The following KLHL32 variants were observed in gnomAD, a reference collection of about 807,000 sequenced individuals.
The protein encoded by KLHL32 is kelch-like protein 32.
Under a neutral mutation model 64.8 loss-of-function variants are expected in KLHL32, and 35 were observed. The ratio of observed to expected loss-of-function variants is 0.54; its 90% CI spans 0.41 to 0.72. The LOEUF (loss-of-function observed/expected upper bound fraction) is 0.72, where lower values mean the gene tolerates loss of function less well. KLHL32 is among the 30% of genes least tolerant of loss of function. The pLI, the probability that KLHL32 is intolerant of heterozygous loss-of-function variation, is 0.00. For missense variants in KLHL32, 589 were observed against 768.5 expected, an observed-to-expected ratio of 0.77 and a Z score of 2.76; for synonymous variants, 259 against 281.0, an observed-to-expected ratio of 0.92 and a Z score of 0.78.
intron 3 of KLHL32, among the ~76,000 whole-genome samples, chr6:96,989,793 C>CCAAGAA (rs1777628959): frequency 6.6e-6 from 1 of 152,134 alleles, no homozygotes; most frequent in South Asian, 2.1e-4. Flanking sequence ...AGGATTTACT[C>CCAAGAA]ATTTTTTAAA....
chr6:97,101,379 C>T (rs769408035), intron 6 of KLHL32, among the ~76,000 whole-genome samples: 10 of 152,102 alleles, frequency 6.6e-5, no homozygotes, highest in Admixed American at 1.3e-4. Flanking sequence ...CATATCAAGA[C>T]ACTCAAAATC....
chr6:96,934,333 G>A (rs1320744333), intron 1 of KLHL32, among the ~76,000 whole-genome samples: 2 of 152,170 alleles, frequency 1.3e-5, no homozygotes, highest in Non-Finnish European at 2.9e-5. Context: ...GGTCTACTTT[G>A]GGAGATGTGG....
At chr6:96,998,002 G>A (rs2128073347) in intron 3 of KLHL32, among the ~76,000 whole-genome samples, 1 of 152,184 alleles carries the variant, frequency 6.6e-6, no homozygotes, top group Non-Finnish European at 1.5e-5. Flanking sequence ...GACACGTGGT[G>A]TTTATTACAT....
intron 4 of KLHL32, among the ~76,000 whole-genome samples, chr6:97,063,014 T>C (rs1789158058): frequency 6.6e-6 from 1 of 152,170 alleles, no homozygotes. Flanking sequence ...ACTTTTTAGG[T>C]TATAGTGGAG....
At chr6:96,938,238 A>C (rs1770849613) in intron 1 of KLHL32, among the ~76,000 whole-genome samples, 1 of 152,156 alleles carries the variant, frequency 6.6e-6, no homozygotes, top group Non-Finnish European at 1.5e-5. Flanking sequence ...CCACCAGAGT[A>C]GTGAAGTTAT....
intron 3 of KLHL32, among the ~76,000 whole-genome samples, chr6:96,993,925 G>T (rs993073491): frequency 3.3e-5 from 5 of 152,116 alleles, no homozygotes; most frequent in African/African-American, 1.2e-4. Flanking sequence ...TCTACCCTTT[G>T]CTCTGGAGAG....
At chr6:96,956,262 C>T (rs1443623539) in intron 1 of KLHL32, among the ~76,000 whole-genome samples, 1 of 152,174 alleles carries the variant, frequency 6.6e-6, no homozygotes, top group Non-Finnish European at 1.5e-5. Flanking sequence ...GGGGAAACAG[C>T]CAAACCATAT....
At chr6:97,122,009 C>T (rs899000432) in intron 7 of KLHL32, among the ~76,000 whole-genome samples, 7 of 152,168 alleles carry the variant, frequency 4.6e-5, no homozygotes, top group African/African-American at 2.4e-5. Flanking sequence ...AGGATTTCAA[C>T]TTTCTACAGA....
At chr6:96,917,356 A>G in the KLHL32 span, among the ~76,000 whole-genome samples, 2 of 152,016 alleles carry the variant, frequency 1.3e-5, no homozygotes, top group East Asian at 3.9e-4. Context: ...TCCCCTGGAG[A>G]CTCATAACCT....
rs539923876 is a variant in KLHL32, at chr6:96,946,725, C to T, written c.-65-20271C>T. Among the ~76,000 whole-genome samples, 4 of 152,274 alleles carry T rather than the reference C, an allele frequency of 2.6e-5. 1 individual carries two copies. The South Asian group carries it at 6.2e-4, about 24-fold the overall frequency. ...TTTGCCATTTTTGCCAATCCTGCTC[C>T]AACTAGACCTAAGGTAGATCCTAAT... On this transcript the variant is annotated intron_variant, in intron 1 of 10. Coordinates refer to ENST00000369261, the MANE Select transcript of KLHL32 (RefSeq NM_052904.4).
chr6:97,029,940 G>T (rs1451622686), intron 3 of KLHL32, among the ~76,000 whole-genome samples: 2 of 152,202 alleles, frequency 1.3e-5, no homozygotes, highest in Non-Finnish European at 2.9e-5. Flanking sequence ...GAAGATGTAA[G>T]ATGTAATGGA....
At position 97,127,474 on chromosome 6, in the gene KLHL32, G is replaced by A. The variant is rs571127451; in HGVS notation, c.1413+12G>A. 1.3e-6 allele frequency: 2 copies of A among 1,599,080 alleles called. No homozygotes were observed. Among genetic ancestry groups the A allele is most frequent in the South Asian group, 2.2e-5 (2 of 90,196 alleles). On this transcript the variant is annotated intron_variant, in intron 8 of 10. Transcript: ENST00000369261. Reference sequence around the variant, plus strand: ...ATGAACCTAACCAGGTAAGAATCATGTAAGAACACCTCATTATCTTAATTA... The same window carrying A: ...ATGAACCTAACCAGGTAAGAATCATATAAGAACACCTCATTATCTTAATTA...
At chr6:97,001,132 C>T (rs79605741) in intron 3 of KLHL32, among the ~76,000 whole-genome samples, 1 of 152,162 alleles carries the variant, frequency 6.6e-6, no homozygotes, top group East Asian at 1.9e-4. Context: ...TATAAAAACC[C>T]ATAGAATATA....
At chr6:97,091,325 G>A (rs752107279) in intron 6 of KLHL32, among the ~76,000 whole-genome samples, 2 of 152,214 alleles carry the variant, frequency 1.3e-5, no homozygotes, top group Non-Finnish European at 2.9e-5. Flanking sequence ...CCGTGTCTGT[G>A]TCATGTTGCT....
chr6:97,025,852 T>C (rs1055181493), intron 3 of KLHL32, among the ~76,000 whole-genome samples: 8 of 152,134 alleles, frequency 5.3e-5, no homozygotes, highest in African/African-American at 1.9e-4. Flanking sequence ...GTTGTGAAAA[T>C]AAAACTTTAA....
chr6:97,011,971 A>G (rs1442746642), intron 3 of KLHL32, among the ~76,000 whole-genome samples: 1 of 152,082 alleles, frequency 6.6e-6, no homozygotes. Flanking sequence ...TATTACAACA[A>G]CTTTACAGAT....
intron 1 of KLHL32, among the ~76,000 whole-genome samples, chr6:96,943,966 C>G (rs1332800110): frequency 1.3e-5 from 2 of 152,198 alleles, no homozygotes; most frequent in African/African-American, 4.8e-5. Flanking sequence ...ACAAAACTCT[C>G]AGGACATTAA....
chr6:97,059,673 C>A (rs984141273), intron 4 of KLHL32, among the ~76,000 whole-genome samples: 2 of 151,964 alleles, frequency 1.3e-5, no homozygotes, highest in South Asian at 2.1e-4. Flanking sequence ...GTCCTTAGTG[C>A]AGTGGTTTTG....
chr6:96,996,918 G>T (rs1778477102), intron 3 of KLHL32, among the ~76,000 whole-genome samples: 2 of 152,102 alleles, frequency 1.3e-5, no homozygotes, highest in Non-Finnish European at 2.9e-5. Context: ...TTAAGTAAGA[G>T]CTGATGATGG....
Sources: gnomAD v4.1 joint callset for allele counts (sites outside exome capture counted in the v4.1 genomes callset) on GRCh38, gnomAD v4.1.1 for gene constraint, MANE v1.5 for transcripts, NCBI Gene and HGNC (gene_info 2026-07-23, HGNC 2026-07-21) for gene names.